The following FHIP2B variants were observed in gnomAD, a reference collection of about 807,000 sequenced individuals.
FHIP2B encodes FHF complex subunit HOOK interacting protein 2B.
In FHIP2B, 72 loss-of-function variants were observed where a neutral mutation model predicts 84.0. The observed-to-expected ratio is 0.86, with a 90% CI of 0.71 to 1.04. FHIP2B has a LOEUF of 1.04. FHIP2B is among the 50% of genes least tolerant of loss of function. FHIP2B has a pLI of 0.00. For missense variants in FHIP2B, 972 were observed against 968.9 expected (o/e 1.00, Z -0.04); for synonymous variants, 497 against 418.7 (o/e 1.19, Z -2.28).
Position 22,100,593 on chromosome 8 carries a change from G to A in FHIP2B, c.1342-1G>A, listed in dbSNP as rs1190911530. ...TCCTGCCGACCCCCTTCCTGCTCCA[G>A]ATCAGCATCACCACACTCCGGCTGT... is the stretch of plus-strand genomic sequence containing the variant. On this transcript the variant is annotated splice_acceptor_variant, in intron 10 of 16. Transcript: ENST00000289921. LOFTEE classifies it high-confidence loss of function. The A allele has an allele frequency of 6.5e-7, 1 of 1,542,688 alleles. No individual in the cohort carries two copies. The highest frequency in any genetic ancestry group is 1.3e-5 in the South Asian group (1 of 79,396).
chr8:22,099,254 C>T (rs374658483), intron 8 of FHIP2B, 30 bp from the exon 9 acceptor site: 164 of 1,610,772 alleles, frequency 1.0e-4, no homozygotes, highest in Non-Finnish European at 1.3e-4. Flanking sequence ...GTAATGAGGG[C>T]AAAACACATT....
intron 1 of FHIP2B, chr8:22,090,001 C>T (rs759095485): frequency 1.7e-4 from 66 of 394,392 alleles, no homozygotes; most frequent in Admixed American, 1.1e-3. Context: ...TGGCCCTGTG[C>T]GGGGAGGAGA....
At position 22,098,133 on chromosome 8, in the gene FHIP2B, C is replaced by T; in HGVS notation, c.591C>T (p.Thr197=). The T allele has an allele frequency of 1.9e-6, 3 of 1,583,564 alleles. No individual in the cohort carries two copies. The highest frequency in any genetic ancestry group is 2.6e-6 in the Non-Finnish European group (3 of 1,165,232). The change falls in exon 6 of 17, where the codon ACC becomes ACT. Residue 197 remains threonine (T), a synonymous_variant. Coordinates refer to ENST00000289921, the MANE Select transcript of FHIP2B (RefSeq NM_022749.7). Reference sequence around the variant, plus strand: ...CCACTGCCCTGCCTAAGGACACAACCAGCCACGGGGACAAGGACTGCTCCC... The same window carrying T: ...CCACTGCCCTGCCTAAGGACACAACTAGCCACGGGGACAAGGACTGCTCCC... The part of the protein sequence containing the change: ...GEPTALPKDT[T]SHGDKDCSHD...
In FHIP2B at chr8:22,098,416, C is replaced by G. The variant is rs1387811634; in HGVS notation, c.769-7C>G. 3.8e-6 allele frequency: 6 copies of G among 1,579,684 alleles called. No individual in the cohort carries two copies. The highest frequency in any genetic ancestry group is 1.4e-5 in the African/African-American group (1 of 73,912). ...CATGTCCCTGAAGTTGTATCCTCAT[C>G]CCCTAGAAGAGTCGGGTGGCCTTGA... On this transcript the variant is annotated splice_region_variant and splice_polypyrimidine_tract_variant and intron_variant, in intron 6 of 16. Coordinates refer to ENST00000289921, the MANE Select transcript of FHIP2B (RefSeq NM_022749.7).
chr8:22,101,585 A>T, intron 13 of FHIP2B, 55 bp downstream of exon 13: 1 of 1,578,156 alleles, frequency 6.3e-7, no homozygotes. Context: ...CAGCTGGGTC[A>T]TAAGCTCTGG....
At chr8:22,100,316 GATACTCCC>G in intron 10 of FHIP2B, 1 of 414,454 alleles carries the variant, frequency 2.4e-6, no homozygotes, top group Non-Finnish European at 4.2e-6. Flanking sequence ...AGGCGAGGTT[GATACTCCC>G]ATTTCTCAGA....
Position 22,103,603 on chromosome 8 carries a change from G to A in FHIP2B, c.*672G>A, listed in dbSNP as rs1277510718. The A allele has an allele frequency of 6.6e-6, 1 of 152,458 alleles. No individual in the cohort carries two copies. The highest frequency in any genetic ancestry group is 1.9e-4 in the East Asian group (1 of 5,200). 9.4% of individuals were successfully genotyped at this position (152,458 alleles called of 1,614,324 possible). Reference sequence around the variant, plus strand: ...CTTGGTGCAGCTGCAGCCAGGAGGGGAGCGGGCCCAGGAGCCAGGCTCAGG... The same window carrying A: ...CTTGGTGCAGCTGCAGCCAGGAGGGAAGCGGGCCCAGGAGCCAGGCTCAGG... On this transcript the variant is annotated 3_prime_UTR_variant, in exon 17 of 17. Transcript: ENST00000289921.
chr8:22,091,079 G>A (rs918351665), intron 1 of FHIP2B, among the ~76,000 whole-genome samples: 6 of 152,038 alleles, frequency 3.9e-5, no homozygotes, highest in African/African-American at 1.2e-4. Context: ...ACAGGGAGAC[G>A]GGAATTCCTC....
chr8:22,102,338 G>C (rs763599332), intron 15 of FHIP2B, 23 bp downstream of exon 15: 19 of 1,600,848 alleles, frequency 1.2e-5, no homozygotes. Context: ...CGGCCCAAGG[G>C]AGTGTGCCTA....
At chr8:22,092,691 C>T (rs1357449508) in intron 1 of FHIP2B, among the ~76,000 whole-genome samples, 1 of 151,956 alleles carries the variant, frequency 6.6e-6, no homozygotes, top group Non-Finnish European at 1.5e-5. Flanking sequence ...GAAGTCTCGC[C>T]AGCCCACCCC....
chr8:22,102,411 G>GGGGGGGC, intron 15 of FHIP2B, 96 bp downstream of exon 15: 5 of 586,964 alleles, frequency 8.5e-6, no homozygotes, highest in Non-Finnish European at 1.5e-5. Flanking sequence ...GGAGGGGTGG[G>GGGGGGGC]CACCCTTGCC....
intron 1 of FHIP2B, chr8:22,089,820 A>G (rs745334745): frequency 7.8e-7 from 1 of 1,285,780 alleles, no homozygotes; most frequent in South Asian, 1.2e-5. Flanking sequence ...GGACGTGGGA[A>G]GTGCAGGCCC....
chr8:22,099,195 T>C, intron 8 of FHIP2B, 89 bp from the exon 9 acceptor site: 1 of 1,542,448 alleles, frequency 6.5e-7, no homozygotes, highest in South Asian at 1.2e-5. Context: ...GACCCTCTCC[T>C]GTGGCATCAG....
intron 1 of FHIP2B, among the ~76,000 whole-genome samples, chr8:22,090,450 C>G (rs1326652052): frequency 6.6e-6 from 1 of 152,172 alleles, no homozygotes; most frequent in Non-Finnish European, 1.5e-5. Context: ...CTTGGGGCAT[C>G]CAGGTAGAGA....
At chr8:22,100,467 C>T (rs938961889) in intron 10 of FHIP2B, 127 bp from the exon 11 acceptor site, 68 of 1,120,218 alleles carry the variant, frequency 6.1e-5, no homozygotes, top group African/African-American at 9.8e-5. Context: ...AACCTGCCAC[C>T]TTAGCATCCA....
chr8:22,101,758 C>G lies in FHIP2B; in HGVS notation c.1758C>G (p.Pro586=), dbSNP rs745333673. Residue 586 remains proline (P), a synonymous_variant, in exon 14 of 17, where the codon CCC becomes CCG. Transcript: ENST00000289921. ...CCTCCTGGGGCTGGCCTCTGACCCC[C>G]ACACCTTTGGACCCCCATGAGCCCG... The part of the protein sequence containing the change: ...RVASWGWPLT[P]TPLDPHEPER... 6.2e-7 allele frequency: 1 copy of G among 1,613,490 alleles called. No homozygotes were observed. Among genetic ancestry groups the G allele is most frequent in the Admixed American group, 1.7e-5 (1 of 59,982 alleles).
chr8:22,096,145 G>A (rs1825753784), intron 2 of FHIP2B, 192 bp from the exon 3 acceptor site: 1 of 569,440 alleles, frequency 1.8e-6, no homozygotes. Context: ...TCCTGAGCCT[G>A]GAAGGACTTT....
intron 15 of FHIP2B, 25 bp from the exon 16 acceptor site, chr8:22,102,503 G>C: frequency 6.4e-7 from 1 of 1,550,582 alleles, no homozygotes; most frequent in Non-Finnish European, 8.7e-7. Context: ...GGCCCCATCT[G>C]AGTCCCCTGT....
chr8:22,089,397 G>A, intron 1 of FHIP2B, 99 bp downstream of exon 1: 2 of 715,406 alleles, frequency 2.8e-6, no homozygotes, highest in Non-Finnish European at 3.4e-6. Context: ...GGGCGGGCGG[G>A]CGCGGGCCCC....
Sources: gnomAD v4.1 joint callset for allele counts (sites outside exome capture counted in the v4.1 genomes callset) on GRCh38, gnomAD v4.1.1 for gene constraint, MANE v1.5 for transcripts, NCBI Gene and HGNC (gene_info 2026-07-23, HGNC 2026-07-21) for gene names.